Variants in AGTPBP1 observed in about 807,000 individuals in gnomAD.
AGTPBP1 encodes the protein ATP/GTP binding carboxypeptidase 1.
AGTPBP1 carries 70 observed loss-of-function variants against 143.9 expected under a neutral mutation model. The ratio of observed to expected loss-of-function variants is 0.49; its 90% CI spans 0.40 to 0.59. The LOEUF is 0.59. Among genes scored for constraint, AGTPBP1 ranks in the 20% least tolerant of loss-of-function variants. AGTPBP1 has a pLI of 0.00. For synonymous variants in AGTPBP1, 463 were observed against 500.2 expected (o/e 0.93, Z 0.99); for missense variants, 1,229 against 1,464.5 (o/e 0.84, Z 2.62).
chr9:85,691,506 C>T (rs1268639388), intron 3 of AGTPBP1, among the ~76,000 whole-genome samples: 2 of 147,746 alleles, frequency 1.4e-5, no homozygotes, highest in Non-Finnish European at 3.0e-5. Flanking sequence ...TAAAGTAGTG[C>T]TGGTTTTCTC....
intron 14 of AGTPBP1, among the ~76,000 whole-genome samples, chr9:85,622,981 GTTT>G (rs989685575): frequency 1.6e-4 from 25 of 152,048 alleles, no homozygotes; most frequent in African/African-American, 6.0e-4. Flanking sequence ...TTTGGTTTTT[GTTT>G]TTTTAGCAAA....
At position 85,575,377 on chromosome 9, in the gene AGTPBP1, A is replaced by G. The variant is rs1474562580; in HGVS notation, c.3441T>C (p.Asn1147=). Residue 1147 remains asparagine, a synonymous_variant, in exon 25 of 26, where the codon AAT becomes AAC. Coordinates refer to ENST00000357081, the MANE Select transcript of AGTPBP1 (RefSeq NM_001330701.2). The stretch of plus-strand genomic sequence containing the variant: ...CAAAGTCAAGCAGGCTGGAAGGCAG[A>G]TTATACTCCAATGGAGAGGTCAGTC... ...LKRLTSPLEY[N]LPSSLLDFEN... is the part of the protein sequence containing the mutation. 5 of 1,608,452 alleles carry G rather than the reference A, an allele frequency of 3.1e-6. No homozygotes were observed. Among genetic ancestry groups the G allele is most frequent in the African/African-American group, 2.7e-5 (2 of 74,764 alleles).
At chr9:85,566,376 A>C (rs779441705) in intron 25 of AGTPBP1, among the ~76,000 whole-genome samples, 2 of 151,380 alleles carry the variant, frequency 1.3e-5, no homozygotes, top group Non-Finnish European at 1.5e-5. Flanking sequence ...AACAAACAAA[A>C]AAAATTAGCT....
chr9:85,695,294 G>A (rs1314843748), intron 2 of AGTPBP1, among the ~76,000 whole-genome samples: 2 of 152,090 alleles, frequency 1.3e-5, no homozygotes, highest in Non-Finnish European at 2.9e-5. Flanking sequence ...GCCTGTACTG[G>A]CCCTTGGGTG....
intron 25 of AGTPBP1, among the ~76,000 whole-genome samples, chr9:85,561,662 G>A (rs2132854632): frequency 6.6e-6 from 1 of 152,180 alleles, no homozygotes; most frequent in Admixed American, 6.5e-5. Flanking sequence ...GCAGGGGGTG[G>A]AATGCGTGGT....
chr9:85,741,298 T>C lies in AGTPBP1; in HGVS notation c.-34+477A>G, dbSNP rs1037150183. 20 of 985,368 alleles carry C rather than the reference T, an allele frequency of 2.0e-5. No homozygotes were observed. In the South Asian group the frequency reaches 9.4e-4, roughly 46 times the overall value. 61.0% of individuals were successfully genotyped at this position (985,368 alleles called of 1,614,324 possible). On this transcript the variant is annotated intron_variant, in intron 1 of 25. Coordinates refer to ENST00000357081, the MANE Select transcript of AGTPBP1 (RefSeq NM_001330701.2). The stretch of plus-strand genomic sequence containing the variant: ...CTTGCTGGCGCTCAGTCGGGAACGC[T>C]AGAATTCTCGAAGCACAGGGGCCCG...
chr9:85,770,357 G>A, the AGTPBP1 span: 1 of 1,607,174 alleles, frequency 6.2e-7, no homozygotes, highest in Non-Finnish European at 8.5e-7. Context: ...AAGAATGAAA[G>A]TATCCAGAAT....
At chr9:85,744,958 C>G (rs1213826623), upstream of AGTPBP1, among the ~76,000 whole-genome samples, 1 of 152,218 alleles carries the variant, frequency 6.6e-6, no homozygotes, top group Admixed American at 6.5e-5. Flanking sequence ...TTCAATAAAC[C>G]TTATTATGAT....
the AGTPBP1 span, among the ~76,000 whole-genome samples, chr9:85,770,061 T>TTGTGTGTGTGTG: frequency 0.015 from 2,224 of 148,362 alleles, 20 homozygotes; most frequent in Middle Eastern, 0.032. Context: ...TGTTAATCTG[T>TTGTGTGTGTGTG]TGTGTGTGTG....
At chr9:85,684,844 A>C (rs2134192281) in intron 3 of AGTPBP1, among the ~76,000 whole-genome samples, 1 of 152,272 alleles carries the variant, frequency 6.6e-6, no homozygotes, top group South Asian at 2.1e-4. Context: ...TTAGATTTAC[A>C]GACAAGAACT....
At chr9:85,615,627 T>C (rs542300651) in intron 17 of AGTPBP1, among the ~76,000 whole-genome samples, 13 of 152,196 alleles carry the variant, frequency 8.5e-5, no homozygotes, top group African/African-American at 2.9e-4. Flanking sequence ...ATTTTAAAAT[T>C]ATGTATGTGA....
intron 25 of AGTPBP1, among the ~76,000 whole-genome samples, chr9:85,568,107 A>G (rs1448117891): frequency 6.6e-6 from 1 of 152,218 alleles, no homozygotes; most frequent in Non-Finnish European, 1.5e-5. Context: ...CTGTTCTAAA[A>G]TAAGGCTACT....
At chr9:85,613,469 A>G (rs969687891) in intron 17 of AGTPBP1, among the ~76,000 whole-genome samples, 9 of 152,072 alleles carry the variant, frequency 5.9e-5, no homozygotes, top group Non-Finnish European at 1.2e-4. Context: ...CATATTGCAG[A>G]TAGCACACAA....
chr9:85,768,099 C>A, the AGTPBP1 span, among the ~76,000 whole-genome samples: 1 of 152,218 alleles, frequency 6.6e-6, no homozygotes, highest in Non-Finnish European at 1.5e-5. Context: ...TGTCAACCTA[C>A]ACCTATTGCT....
intron 25 of AGTPBP1, among the ~76,000 whole-genome samples, chr9:85,566,672 T>C (rs997077568): frequency 1.1e-4 from 16 of 151,114 alleles, no homozygotes; most frequent in African/African-American, 3.7e-4. Flanking sequence ...AGAAATAAGA[T>C]ATATATCTCC....
In AGTPBP1 at chr9:85,633,054, A is replaced by G. The variant is rs1177407902; in HGVS notation, c.1623T>C (p.Asn541=). 3 of 1,614,048 alleles carry G rather than the reference A, an allele frequency of 1.9e-6. No homozygotes were observed. Among genetic ancestry groups the G allele is most frequent in the Non-Finnish European group, 2.5e-6 (3 of 1,180,034 alleles). ...AACCTGGGGCTGTTTGAGAAGGAAT[A>G]TTCTGCAATGTAATTCGGTCCAAGG... ...VKALDRITLQ[N]IPSQTAPGFT... Residue 541 remains asparagine, a synonymous_variant, in exon 14 of 26, where the codon AAT becomes AAC. Coordinates refer to ENST00000357081, the MANE Select transcript of AGTPBP1 (RefSeq NM_001330701.2).
intron 12 of AGTPBP1, among the ~76,000 whole-genome samples, chr9:85,643,369 C>T (rs1181208561): frequency 6.6e-6 from 1 of 152,106 alleles, no homozygotes; most frequent in African/African-American, 2.4e-5. Flanking sequence ...GAAGTTACCC[C>T]CATTTAACTG....
chr9:85,739,443 G>A (rs1238179849), intron 1 of AGTPBP1, among the ~76,000 whole-genome samples: 1 of 152,082 alleles, frequency 6.6e-6, no homozygotes, highest in Non-Finnish European at 1.5e-5. Context: ...GCGTGGTGGC[G>A]GACGCCTGTA....
Position 85,585,609 on chromosome 9 carries a change from T to G in AGTPBP1, c.3034-15A>C, listed in dbSNP as rs1476680238. The G allele has an allele frequency of 6.4e-7, 1 of 1,561,266 alleles. No individual in the cohort carries two copies. Among genetic ancestry groups the G allele is most frequent in the African/African-American group, 1.4e-5 (1 of 72,128 alleles). ...TCACAATAAACCTTGAAAATATATA[T>G]TTTAAAAATTAAAAGACTTCAAGTT... On this transcript the variant is annotated splice_polypyrimidine_tract_variant and intron_variant, in intron 22 of 25. Coordinates refer to ENST00000357081, the MANE Select transcript of AGTPBP1 (RefSeq NM_001330701.2).
Sources: gnomAD v4.1 joint callset for allele counts (sites outside exome capture counted in the v4.1 genomes callset) on GRCh38, gnomAD v4.1.1 for gene constraint, MANE v1.5 for transcripts, NCBI Gene and HGNC (gene_info 2026-07-23, HGNC 2026-07-21) for gene names.